PPP2R3A: variants seen among roughly 807,000 people sequenced by gnomAD.
PPP2R3A encodes serine/threonine-protein phosphatase 2A regulatory subunit B'' subunit alpha.
In PPP2R3A, 80 loss-of-function variants were observed where a neutral mutation model predicts 106.9. That is an observed-to-expected ratio of 0.75 (90% CI 0.62 to 0.90). The LOEUF is 0.90. Among genes scored for constraint, PPP2R3A ranks in the 40% least tolerant of loss-of-function variants. PPP2R3A has a pLI of 0.00. For synonymous variants in PPP2R3A, 483 were observed against 468.3 expected (o/e 1.03, Z -0.41); for missense variants, 1,386 against 1,350.4 (o/e 1.03, Z -0.41).
intron 1 of PPP2R3A, among the ~76,000 whole-genome samples, chr3:135,993,224 C>A (rs1933249240): frequency 6.6e-6 from 1 of 152,042 alleles, no homozygotes; most frequent in South Asian, 2.1e-4. Context: ...TCTTAGAATT[C>A]ACTAATAAGA....
In PPP2R3A at chr3:135,985,353, G is replaced by A. The variant is rs568491013; in HGVS notation, c.-440-15706G>A. On this transcript the variant is annotated intron_variant, in intron 1 of 13. Coordinates refer to ENST00000264977, the MANE Select transcript of PPP2R3A (RefSeq NM_002718.5). ...TTTCTCTCTCTCTCTCTCTCTCCCC[G>A]CCCTCTTTCCCTCTCTCCCTTCCTC... 1.6e-3 allele frequency among the ~76,000 whole-genome samples: 149 copies of A among 90,848 alleles called. 1 individual carries two copies. In the South Asian group the frequency reaches 0.031, roughly 19 times the overall value. The allele number at this position is 90,848 out of a possible 152,430, so 59.6% of individuals were successfully genotyped here.
chr3:135,999,062 T>C (rs1933514615), intron 1 of PPP2R3A, among the ~76,000 whole-genome samples: 1 of 152,168 alleles, frequency 6.6e-6, no homozygotes, highest in Admixed American at 6.5e-5. Flanking sequence ...ACTGCCCTCA[T>C]TAAACATTGA....
Position 136,003,571 on chromosome 3 carries a change from T to C in PPP2R3A, c.1995+78T>C, listed in dbSNP as rs938305319. The C allele has an allele frequency of 5.2e-6, 7 of 1,359,050 alleles. No homozygotes were observed. The African/African-American group carries it at 7.4e-5, about 14-fold the overall frequency. The allele number at this position is 1,359,050 out of a possible 1,614,324, so 84.2% of individuals were successfully genotyped here. A position where few individuals can be genotyped will look rare whatever the true frequency, so the allele number is the denominator to read the frequency against. ...TTGAAAATTTTATAAAGAAAAACTTTTTTGTTAGCCATTTTTTGTTCTACT... is the reference window on the plus strand; with the variant it reads ...TTGAAAATTTTATAAAGAAAAACTTCTTTGTTAGCCATTTTTTGTTCTACT... On this transcript the variant is annotated intron_variant, in intron 2 of 13. Transcript: ENST00000264977.
At chr3:136,136,073 ATTATAT>A (rs1387851061) in intron 13 of PPP2R3A, among the ~76,000 whole-genome samples, 2 of 17,794 alleles carry the variant, frequency 1.1e-4, no homozygotes, top group Non-Finnish European at 2.2e-4. Flanking sequence ...AAAAAAAAAA[ATTATAT>A]ATATATATAT....
At chr3:136,059,340 AAAG>A (rs1211503540) in intron 5 of PPP2R3A, among the ~76,000 whole-genome samples, 1 of 152,242 alleles carries the variant, frequency 6.6e-6, no homozygotes, top group Non-Finnish European at 1.5e-5. Flanking sequence ...ATATTTTTCA[AAAG>A]AAGACGTGCA....
At chr3:136,057,296 T>TA (rs1167036639) in intron 5 of PPP2R3A, among the ~76,000 whole-genome samples, 2 of 151,952 alleles carry the variant, frequency 1.3e-5, no homozygotes, top group Admixed American at 1.3e-4. Flanking sequence ...ATGAAGAAAA[T>TA]ACAGTGTATA....
At chr3:136,108,602 G>A (rs1363268054) in intron 13 of PPP2R3A, among the ~76,000 whole-genome samples, 5 of 151,896 alleles carry the variant, frequency 3.3e-5, no homozygotes, top group Admixed American at 6.6e-5. Context: ...CAGAAATCAC[G>A]CCATATCCAG....
chr3:136,071,109 G>C (rs1376808860), intron 6 of PPP2R3A, among the ~76,000 whole-genome samples: 1 of 152,202 alleles, frequency 6.6e-6, no homozygotes, highest in African/African-American at 2.4e-5. Context: ...AGGCCCACAG[G>C]GCACGGAGTA....
chr3:136,016,035 C>T (rs1934255799), intron 2 of PPP2R3A, among the ~76,000 whole-genome samples: 1 of 152,030 alleles, frequency 6.6e-6, no homozygotes, highest in South Asian at 2.1e-4. Context: ...TTGTCTGGCT[C>T]AAAGAATTTT....
At chr3:135,969,474 A>G (rs992842999) in intron 1 of PPP2R3A, among the ~76,000 whole-genome samples, 2 of 152,250 alleles carry the variant, frequency 1.3e-5, no homozygotes, top group Admixed American at 1.3e-4. Flanking sequence ...AGTAAAGAAC[A>G]TTTAAGGATA....
At chr3:135,997,234 C>T (rs924101532) in intron 1 of PPP2R3A, among the ~76,000 whole-genome samples, 2 of 152,172 alleles carry the variant, frequency 1.3e-5, no homozygotes, top group African/African-American at 2.4e-5. Context: ...TGAAATTGCA[C>T]GTGATAAGGA....
intron 5 of PPP2R3A, among the ~76,000 whole-genome samples, chr3:136,063,980 C>A (rs573379452): frequency 2.7e-5 from 4 of 150,502 alleles, no homozygotes; most frequent in Non-Finnish European, 5.9e-5. Flanking sequence ...ATGTTTATTG[C>A]GGCACTATTC....
intron 2 of PPP2R3A, among the ~76,000 whole-genome samples, chr3:136,004,455 C>T (rs1933773177): frequency 6.6e-6 from 1 of 152,140 alleles, no homozygotes; most frequent in Admixed American, 6.6e-5. Context: ...TTTTAACTGC[C>T]TTGTCCCAAA....
chr3:136,140,483 C>T (rs989290286), intron 13 of PPP2R3A, among the ~76,000 whole-genome samples: 7 of 149,006 alleles, frequency 4.7e-5, no homozygotes, highest in South Asian at 2.1e-4. Flanking sequence ...CAGTGGCTCA[C>T]GCCTGTAATA....
At chr3:136,060,150 C>T (rs768652219) in intron 5 of PPP2R3A, among the ~76,000 whole-genome samples, 14 of 152,054 alleles carry the variant, frequency 9.2e-5, no homozygotes, top group Non-Finnish European at 1.6e-4. Context: ...AAAGATAATA[C>T]GGTATATATA....
intron 13 of PPP2R3A, among the ~76,000 whole-genome samples, chr3:136,110,822 C>T (rs143660598): frequency 1.4e-3 from 214 of 152,220 alleles, no homozygotes; most frequent in Non-Finnish European, 2.8e-3. Context: ...ATAGGTTTGG[C>T]CCACAGACTA....
intron 6 of PPP2R3A, 25 bp downstream of exon 6, chr3:136,070,577 A>G: frequency 6.4e-7 from 1 of 1,573,854 alleles, no homozygotes; most frequent in Non-Finnish European, 8.6e-7. Context: ...CTTTTTTCTT[A>G]ATATAACTCC....
At chr3:136,084,989 T>C (rs1352508719) in intron 8 of PPP2R3A, among the ~76,000 whole-genome samples, 1 of 152,346 alleles carries the variant, frequency 6.6e-6, no homozygotes, top group Non-Finnish European at 1.5e-5. Context: ...GATGAGACTT[T>C]GGACTGTGGA....
At chr3:135,981,726 T>C (rs1456074781) in intron 1 of PPP2R3A, among the ~76,000 whole-genome samples, 1 of 151,722 alleles carries the variant, frequency 6.6e-6, no homozygotes, top group Non-Finnish European at 1.5e-5. Context: ...CAAGAACTCA[T>C]AAGTTTTATG....
Sources: allele counts gnomAD v4.1 joint callset (sites outside exome capture counted in the v4.1 genomes callset), GRCh38; gene constraint gnomAD v4.1.1; transcripts MANE v1.5; gene names NCBI Gene and HGNC (gene_info 2026-07-23, HGNC 2026-07-21).